Variants in PACRG observed in about 807,000 individuals in gnomAD.
PACRG encodes parkin coregulated gene protein.
Under a neutral mutation model 29.7 loss-of-function variants are expected in PACRG, and 29 were observed. The observed-to-expected ratio is 0.98, with a 90% CI of 0.73 to 1.33. The LOEUF is 1.33. PACRG is among the 40% of genes most tolerant of loss of function. PACRG has a pLI of 0.00. For missense variants in PACRG, 279 were observed against 316.2 expected (o/e 0.88, Z 0.89); for synonymous variants, 116 against 118.7 (o/e 0.98, Z 0.15).
intron 4 of PACRG, among the ~76,000 whole-genome samples, chr6:163,298,126 A>C (rs1312127786): frequency 6.6e-6 from 1 of 152,174 alleles, no homozygotes; most frequent in Non-Finnish European, 1.5e-5. Flanking sequence ...ATGCCAAAAA[A>C]TCTAACTTCT....
At chr6:163,036,164 T>C (rs141682404) in intron 2 of PACRG, among the ~76,000 whole-genome samples, 3,019 of 152,304 alleles carry the variant, frequency 0.02, 91 homozygotes, top group Admixed American at 0.09. Context: ...AGACTGAAGG[T>C]TTAACCACTT....
chr6:163,107,373 C>T (rs1037936695), intron 4 of PACRG, among the ~76,000 whole-genome samples: 1 of 152,120 alleles, frequency 6.6e-6, no homozygotes, highest in African/African-American at 2.4e-5. Context: ...ATGTCACAAA[C>T]ATGACAAACA....
intron 2 of PACRG, among the ~76,000 whole-genome samples, chr6:163,003,007 C>A (rs947157877): frequency 6.6e-6 from 1 of 152,132 alleles, no homozygotes; most frequent in African/African-American, 2.4e-5. Flanking sequence ...CAACACTAGA[C>A]CCATATTCTT....
chr6:163,315,115 T>C lies in PACRG; in HGVS notation c.*128T>C, dbSNP rs1256255845. On this transcript the variant is annotated 3_prime_UTR_variant, in exon 5 of 5. Coordinates refer to ENST00000366888, the MANE Select transcript of PACRG (RefSeq NM_001080379.2). ...CTACAGCTGCTAAAATAGTGGCTTATGGGCCATTGGACTGTTAGCCCTATT... is the reference window on the plus strand; with the variant it reads ...CTACAGCTGCTAAAATAGTGGCTTACGGGCCATTGGACTGTTAGCCCTATT... 2.6e-5 allele frequency: 29 copies of C among 1,095,738 alleles called. No homozygotes were observed. The highest frequency in any genetic ancestry group is 2.9e-4 in the Middle Eastern group (1 of 3,458). 67.9% of individuals were successfully genotyped at this position (1,095,738 alleles called of 1,614,324 possible).
At chr6:162,994,588 C>T (rs1050344280) in intron 2 of PACRG, among the ~76,000 whole-genome samples, 2 of 151,752 alleles carry the variant, frequency 1.3e-5, no homozygotes, top group Non-Finnish European at 2.9e-5. Context: ...GGTTTTAGCT[C>T]CATCAGCTCC....
intron 2 of PACRG, among the ~76,000 whole-genome samples, chr6:163,029,489 C>T (rs1376430047): frequency 6.6e-6 from 1 of 152,138 alleles, no homozygotes; most frequent in African/African-American, 2.4e-5. Flanking sequence ...GCACACTTCT[C>T]CCTTTCCTCC....
intron 2 of PACRG, among the ~76,000 whole-genome samples, chr6:162,887,703 G>T (rs1794451013): frequency 6.6e-6 from 1 of 152,090 alleles, no homozygotes. Context: ...ATCCCAGAAA[G>T]TTTTGACCTC....
intron 4 of PACRG, chr6:163,184,738 G>GA (rs1053335994): frequency 4.6e-5 from 7 of 152,136 alleles, no homozygotes; most frequent in Admixed American, 2.6e-4. Context: ...GCAACATAAA[G>GA]AAATGCAACT....
At chr6:163,185,611 T>A (rs1779881494) in intron 4 of PACRG, among the ~76,000 whole-genome samples, 1 of 152,184 alleles carries the variant, frequency 6.6e-6, no homozygotes, top group African/African-American at 2.4e-5. Context: ...TGCAGATTAG[T>A]TCCCGATGCC....
chr6:163,186,565 T>TA (rs1464129035), intron 4 of PACRG, among the ~76,000 whole-genome samples: 1 of 152,132 alleles, frequency 6.6e-6, no homozygotes, highest in African/African-American at 2.4e-5. Flanking sequence ...AGATTCTTAC[T>TA]AAGAGTTGGA....
At chr6:162,912,755 A>C (rs2128079938) in intron 2 of PACRG, among the ~76,000 whole-genome samples, 1 of 151,930 alleles carries the variant, frequency 6.6e-6, no homozygotes. Context: ...TCTTTTTAGT[A>C]GAGATGGGGT....
chr6:163,149,264 C>T (rs1040306368), intron 4 of PACRG, among the ~76,000 whole-genome samples: 1 of 151,976 alleles, frequency 6.6e-6, no homozygotes, highest in Non-Finnish European at 1.5e-5. Flanking sequence ...GGGCGCTGGC[C>T]GCTTCCCAGG....
intron 4 of PACRG, among the ~76,000 whole-genome samples, chr6:163,103,413 A>G (rs1412716964): frequency 1.3e-5 from 2 of 152,116 alleles, no homozygotes; most frequent in African/African-American, 2.4e-5. Flanking sequence ...CTTCTGCCGC[A>G]TCTCATCTGC....
intron 1 of PACRG, among the ~76,000 whole-genome samples, chr6:162,794,743 A>G (rs1364543081): frequency 6.6e-6 from 1 of 152,192 alleles, no homozygotes; most frequent in Non-Finnish European, 1.5e-5. Flanking sequence ...AAGTTTATGC[A>G]ATCACTCAAG....
At chr6:163,037,230 T>C (rs1242584906) in intron 2 of PACRG, among the ~76,000 whole-genome samples, 1 of 152,202 alleles carries the variant, frequency 6.6e-6, no homozygotes, top group Non-Finnish European at 1.5e-5. Context: ...TTCACTTCCC[T>C]TACTCCCTTC....
At chr6:162,732,590 A>G (rs548214313) in intron 1 of PACRG, among the ~76,000 whole-genome samples, 2 of 152,344 alleles carry the variant, frequency 1.3e-5, no homozygotes, top group Admixed American at 6.5e-5. Context: ...AGTGAAGAAA[A>G]GGAGAGAGAC....
chr6:162,860,979 A>G (rs547506134), intron 2 of PACRG, among the ~76,000 whole-genome samples: 1 of 152,300 alleles, frequency 6.6e-6, no homozygotes, highest in Admixed American at 6.5e-5. Context: ...AAACACATCA[A>G]TACAGATGCA....
intron 2 of PACRG, among the ~76,000 whole-genome samples, chr6:163,058,345 G>T (rs994094742): frequency 6.6e-6 from 1 of 152,080 alleles, no homozygotes; most frequent in East Asian, 1.9e-4. Flanking sequence ...AGAATCAGTC[G>T]AACAAAAGCC....
intron 1 of PACRG, among the ~76,000 whole-genome samples, chr6:162,800,538 A>G (rs1184337384): frequency 6.6e-6 from 1 of 152,208 alleles, no homozygotes; most frequent in Non-Finnish European, 1.5e-5. Flanking sequence ...TACAGTTATT[A>G]CAGAAGCATT....
Sources: gnomAD v4.1 joint callset for allele counts (sites outside exome capture counted in the v4.1 genomes callset) on GRCh38, gnomAD v4.1.1 for gene constraint, MANE v1.5 for transcripts, NCBI Gene and HGNC (gene_info 2026-07-23, HGNC 2026-07-21) for gene names.